Variants in NSUN6 observed in about 807,000 individuals in gnomAD.
NSUN6 encodes tRNA (cytosine(72)-C(5))-methyltransferase NSUN6.
A neutral mutation model predicts 58.0 loss-of-function variants in NSUN6; 64 were observed. That is an observed-to-expected ratio of 1.10 (90% CI 0.90 to 1.36). The LOEUF (loss-of-function observed/expected upper bound fraction) is 1.36, where lower values mean the gene tolerates loss of function less well. Ranked by LOEUF, NSUN6 falls within the 40% of genes most tolerant of loss-of-function variation. NSUN6 has a pLI of 0.00. For missense variants in NSUN6, 701 were observed against 550.1 expected, an observed-to-expected ratio of 1.27 and a Z score of -2.74; for synonymous variants, 231 against 193.9, an observed-to-expected ratio of 1.19 and a Z score of -1.59.
chr10:18,573,453 C>A (rs1311702099), intron 8 of NSUN6, among the ~76,000 whole-genome samples: 1 of 150,854 alleles, frequency 6.6e-6, no homozygotes, highest in Non-Finnish European at 1.5e-5. Context: ...CATTCCATTC[C>A]ATATTCCATT....
At chr10:18,648,709 T>C in intron 1 of NSUN6, 64 bp from the exon 2 acceptor site, 1 of 875,398 alleles carries the variant, frequency 1.1e-6, no homozygotes, top group East Asian at 2.5e-5. Flanking sequence ...CATCCTTATA[T>C]ATTAATTCCA....
intron 2 of NSUN6, among the ~76,000 whole-genome samples, chr10:18,645,467 A>C (rs1219774056): frequency 6.6e-6 from 1 of 152,220 alleles, no homozygotes; most frequent in Non-Finnish European, 1.5e-5. Context: ...AAAAGCTAAA[A>C]AATCCAAAAT....
Position 18,566,656 on chromosome 10 carries a change from A to C in NSUN6, c.923-14685T>G, listed in dbSNP as rs138739427. ...TCCATTCCATTTCCCATTCCATTCT[A>C]TTCTCCATTCCATTGAATGCTCCAT... On this transcript the variant is annotated intron_variant, in intron 8 of 10. Coordinates refer to ENST00000377304, the MANE Select transcript of NSUN6 (RefSeq NM_182543.5). Among the ~76,000 whole-genome samples, 542 of 146,014 alleles carry C rather than the reference A, an allele frequency of 3.7e-3. 4 individuals are homozygous for C. Among genetic ancestry groups the C allele is most frequent in the African/African-American group, 0.013 (513 of 39,282 alleles).
upstream of NSUN6, chr10:18,651,823 A>C (rs1381526834): frequency 5.1e-6 from 5 of 985,332 alleles, no homozygotes; most frequent in Non-Finnish European, 6.0e-6. Flanking sequence ...AAAGATATTT[A>C]GTTCCCGGTA....
At chr10:18,581,161 T>C (rs2056887976) in intron 8 of NSUN6, among the ~76,000 whole-genome samples, 1 of 151,954 alleles carries the variant, frequency 6.6e-6, no homozygotes, top group African/African-American at 2.4e-5. Context: ...GCACAGTGTG[T>C]TTATCAGAGG....
At chr10:18,585,138 A>G (rs142366506) in intron 8 of NSUN6, among the ~76,000 whole-genome samples, 106 of 152,300 alleles carry the variant, frequency 7.0e-4, no homozygotes, top group Admixed American at 1.1e-3. Context: ...TAAAATGGCC[A>G]TCATTAAAAA....
chr10:18,596,401 G>C, intron 6 of NSUN6, 74 bp from the exon 7 acceptor site: 1 of 1,013,846 alleles, frequency 9.9e-7, no homozygotes, highest in African/African-American at 1.6e-5. Context: ...AGAATATAAA[G>C]AACCCTTTGG....
intron 7 of NSUN6, among the ~76,000 whole-genome samples, chr10:18,588,807 AG>A (rs1487725259): frequency 1.3e-5 from 2 of 152,250 alleles, no homozygotes; most frequent in Non-Finnish European, 2.9e-5. Context: ...CATGAAGATG[AG>A]GAAATAACAG....
At chr10:18,614,382 G>A in intron 5 of NSUN6, 78 bp downstream of exon 5, 1 of 880,114 alleles carries the variant, frequency 1.1e-6, no homozygotes, top group Non-Finnish European at 1.6e-6. Context: ...AATGCAACTA[G>A]ATACATTTTA....
At chr10:18,637,177 G>A (rs559080072) in intron 3 of NSUN6, among the ~76,000 whole-genome samples, 2 of 151,896 alleles carry the variant, frequency 1.3e-5, no homozygotes, top group Admixed American at 6.6e-5. Context: ...TGCTCAGGCT[G>A]GTCTAAAACT....
intron 6 of NSUN6, 104 bp downstream of exon 6, chr10:18,609,741 T>C (rs1339979175): frequency 2.2e-5 from 15 of 684,648 alleles, no homozygotes; most frequent in South Asian, 5.6e-5. Context: ...TGTATGTAAG[T>C]AGACCACAGA....
At chr10:18,654,288 C>T (rs190263454), upstream of NSUN6, among the ~76,000 whole-genome samples, 6 of 152,228 alleles carry the variant, frequency 3.9e-5, no homozygotes, top group African/African-American at 1.2e-4. Flanking sequence ...CTATCTAGTC[C>T]TCCCTTTTTC....
intron 9 of NSUN6, among the ~76,000 whole-genome samples, chr10:18,551,165 A>G (rs2054575945): frequency 6.6e-6 from 1 of 151,540 alleles, no homozygotes; most frequent in African/African-American, 2.4e-5. Flanking sequence ...CAGTGATGAA[A>G]TTCTACTATT....
chr10:18,597,251 T>C (rs535352282), intron 6 of NSUN6, among the ~76,000 whole-genome samples: 5 of 152,162 alleles, frequency 3.3e-5, no homozygotes, highest in Non-Finnish European at 7.3e-5. Flanking sequence ...ATAAAACAGA[T>C]AGAACAGTAT....
chr10:18,548,807 A>G (rs2054438989), intron 9 of NSUN6, among the ~76,000 whole-genome samples: 2 of 152,058 alleles, frequency 1.3e-5, no homozygotes, highest in Non-Finnish European at 2.9e-5. Context: ...TCCCTCTGAA[A>G]TCCACTGCAG....
chr10:18,634,566 A>G (rs950296457), intron 3 of NSUN6, among the ~76,000 whole-genome samples: 10 of 150,906 alleles, frequency 6.6e-5, no homozygotes, highest in Non-Finnish European at 1.2e-4. Context: ...CCCGGCTAAC[A>G]TGGTGAAACC....
intron 6 of NSUN6, among the ~76,000 whole-genome samples, chr10:18,601,922 G>A (rs1354235655): frequency 6.6e-6 from 1 of 150,848 alleles, no homozygotes; most frequent in Non-Finnish European, 1.5e-5. Context: ...GCAGTAAACT[G>A]AGATTGCACC....
At chr10:18,603,130 T>C (rs1328392171) in intron 6 of NSUN6, among the ~76,000 whole-genome samples, 2 of 152,116 alleles carry the variant, frequency 1.3e-5, no homozygotes, top group Non-Finnish European at 2.9e-5. Context: ...CTGTCTCTAC[T>C]AAAAATATGA....
chr10:18,609,482 AAT>A (rs1404369146), intron 6 of NSUN6, among the ~76,000 whole-genome samples: 3 of 152,138 alleles, frequency 2.0e-5, no homozygotes, highest in African/African-American at 7.2e-5. Context: ...GAATTATAAT[AAT>A]ACTACCAAAC....
Sources: allele counts gnomAD v4.1 joint callset (sites outside exome capture counted in the v4.1 genomes callset), GRCh38; gene constraint gnomAD v4.1.1; transcripts MANE v1.5; gene names NCBI Gene and HGNC (gene_info 2026-07-23, HGNC 2026-07-21).